The following SLC10A7 variants were observed in gnomAD, a reference collection of about 807,000 sequenced individuals.
SLC10A7 encodes the protein solute carrier family 10 member 7.
Under a neutral mutation model 43.2 loss-of-function variants are expected in SLC10A7, and 29 were observed. The ratio of observed to expected loss-of-function variants is 0.67; its 90% CI spans 0.50 to 0.92. The LOEUF (loss-of-function observed/expected upper bound fraction) is 0.92, where lower values mean the gene tolerates loss of function less well. Among genes scored for constraint, SLC10A7 ranks in the 40% least tolerant of loss-of-function variants. The pLI is 0.00. For missense variants in SLC10A7, 295 were observed against 403.2 expected, an observed-to-expected ratio of 0.73 and a Z score of 2.30; for synonymous variants, 152 against 144.8, an observed-to-expected ratio of 1.05 and a Z score of -0.35.
intron 10 of SLC10A7, among the ~76,000 whole-genome samples, chr4:146,272,493 G>T (rs575528747): frequency 6.6e-6 from 1 of 152,280 alleles, no homozygotes; most frequent in East Asian, 1.9e-4. Context: ...TGTTACCCTT[G>T]CTTTGCAGCT....
chr4:146,406,468 C>A (rs1019866662), intron 5 of SLC10A7, among the ~76,000 whole-genome samples: 1 of 152,158 alleles, frequency 6.6e-6, no homozygotes, highest in Non-Finnish European at 1.5e-5. Context: ...AGTTCCATGT[C>A]CTCATCTATA....
At chr4:146,302,240 C>T (rs1731210383) in intron 7 of SLC10A7, among the ~76,000 whole-genome samples, 1 of 151,962 alleles carries the variant, frequency 6.6e-6, no homozygotes. Flanking sequence ...TAATATAATC[C>T]ACAGTTTAAA....
At chr4:146,355,175 C>T (rs1735479378) in intron 5 of SLC10A7, among the ~76,000 whole-genome samples, 1 of 150,840 alleles carries the variant, frequency 6.6e-6, no homozygotes, top group Non-Finnish European at 1.5e-5. Flanking sequence ...CTACAATGAA[C>T]TCAAACAAAT....
rs1174675578 is a variant in SLC10A7, at chr4:146,327,830, C to T, written c.436-1834G>A. Among the ~76,000 whole-genome samples, 3 of 152,274 alleles carry T rather than the reference C, an allele frequency of 2.0e-5. No homozygotes were observed. In the East Asian group the frequency reaches 5.8e-4, roughly 29 times the overall value. On this transcript the variant is annotated intron_variant, in intron 5 of 11. Transcript: ENST00000335472. ...ACCCCTGTGCCACTGCATCTAGCGC[C>T]CATGTGCACCATTGGGGGGCCTGAG...
intron 5 of SLC10A7, among the ~76,000 whole-genome samples, chr4:146,377,988 G>C (rs770445170): frequency 2.8e-4 from 42 of 152,208 alleles, no homozygotes; most frequent in Non-Finnish European, 4.3e-4. Flanking sequence ...AATAGAAGGT[G>C]ATGCTGAAGC....
chr4:146,305,138 C>T (rs896654117), intron 7 of SLC10A7, among the ~76,000 whole-genome samples: 12 of 150,314 alleles, frequency 8.0e-5, no homozygotes, highest in East Asian at 1.9e-4. Context: ...ATGTTTATTG[C>T]GACATTATTC....
At chr4:146,279,834 A>T (rs1181462570) in intron 10 of SLC10A7, among the ~76,000 whole-genome samples, 3 of 152,196 alleles carry the variant, frequency 2.0e-5, no homozygotes, top group Non-Finnish European at 2.9e-5. Flanking sequence ...TAGTCACTTC[A>T]TCTGCAATCA....
intron 7 of SLC10A7, among the ~76,000 whole-genome samples, chr4:146,294,373 TG>T (rs1189318128): frequency 6.6e-6 from 1 of 152,204 alleles, no homozygotes; most frequent in Non-Finnish European, 1.5e-5. Flanking sequence ...TAGCTGTCAC[TG>T]AGACATGCCC....
chr4:146,268,004 T>C (rs1728668240), intron 10 of SLC10A7, among the ~76,000 whole-genome samples: 1 of 152,114 alleles, frequency 6.6e-6, no homozygotes, highest in African/African-American at 2.4e-5. Context: ...TGTCTTAGGG[T>C]GATCTCTGTG....
At chr4:146,294,548 T>C (rs1730652079) in intron 7 of SLC10A7, among the ~76,000 whole-genome samples, 1 of 152,188 alleles carries the variant, frequency 6.6e-6, no homozygotes, top group South Asian at 2.1e-4. Flanking sequence ...AAGTGATCCA[T>C]GGAACATATT....
At chr4:146,513,206 T>C (rs1349097134) in intron 2 of SLC10A7, among the ~76,000 whole-genome samples, 2 of 151,976 alleles carry the variant, frequency 1.3e-5, no homozygotes, top group South Asian at 2.1e-4. Context: ...ATAAATCATA[T>C]GTTCATAAAA....
chr4:146,501,116 T>C (rs1017752660), intron 4 of SLC10A7, among the ~76,000 whole-genome samples: 1 of 152,184 alleles, frequency 6.6e-6, no homozygotes, highest in African/African-American at 2.4e-5. Context: ...GATCCAGGGC[T>C]CAGTCCTTGA....
intron 5 of SLC10A7, among the ~76,000 whole-genome samples, chr4:146,407,588 C>A (rs1209902669): frequency 6.6e-6 from 1 of 152,192 alleles, no homozygotes; most frequent in African/African-American, 2.4e-5. Context: ...CTGAGAGTAA[C>A]AAATACGTAT....
intron 5 of SLC10A7, among the ~76,000 whole-genome samples, chr4:146,406,849 G>C (rs907885424): frequency 6.6e-6 from 1 of 152,158 alleles, no homozygotes; most frequent in African/African-American, 2.4e-5. Flanking sequence ...TGGGCGTGGT[G>C]GTGGGTGCCT....
At chr4:146,282,619 T>C (rs1729622399) in intron 10 of SLC10A7, among the ~76,000 whole-genome samples, 1 of 152,140 alleles carries the variant, frequency 6.6e-6, no homozygotes. Context: ...AAGTAGAAAA[T>C]AGCACTTTTC....
chr4:146,430,295 G>A (rs182735947), intron 5 of SLC10A7, among the ~76,000 whole-genome samples: 121 of 152,214 alleles, frequency 7.9e-4, no homozygotes, highest in Non-Finnish European at 1.4e-3. Context: ...AGCCACTATA[G>A]ACATTAGGGC....
chr4:146,377,614 G>A (rs1737296828), intron 5 of SLC10A7, among the ~76,000 whole-genome samples: 1 of 152,134 alleles, frequency 6.6e-6, no homozygotes, highest in South Asian at 2.1e-4. Flanking sequence ...CAGGGACCCA[G>A]AACCAAAGAC....
chr4:146,509,836 A>G (rs1415498530), intron 3 of SLC10A7, 77 bp downstream of exon 3: 1 of 1,378,464 alleles, frequency 7.3e-7, no homozygotes, highest in Non-Finnish European at 9.9e-7. Context: ...CCTTTTGTAT[A>G]TAGTTGCCAT....
intron 2 of SLC10A7, among the ~76,000 whole-genome samples, chr4:146,511,217 A>C (rs1737435633): frequency 1.3e-5 from 2 of 152,086 alleles, no homozygotes; most frequent in Non-Finnish European, 2.9e-5. Context: ...TTTAACAACT[A>C]AAAAAGGATA....
Sources: gnomAD v4.1 joint callset for allele counts (sites outside exome capture counted in the v4.1 genomes callset) on GRCh38, gnomAD v4.1.1 for gene constraint, MANE v1.5 for transcripts, NCBI Gene and HGNC (gene_info 2026-07-23, HGNC 2026-07-21) for gene names.